Variants in MECOM observed in about 807,000 individuals in gnomAD.
The protein encoded by MECOM is MDS1 and EVI1 complex locus.
Under a neutral mutation model 116.3 loss-of-function variants are expected in MECOM, and 13 were observed. The observed-to-expected ratio is 0.11, with a 90% confidence interval of 0.07 to 0.18. MECOM has a LOEUF of 0.18. Ranked by LOEUF, MECOM falls within the 10% of genes least tolerant of loss-of-function variation. The pLI is 1.00. For missense variants in MECOM, 1,299 were observed against 1,509.0 expected (o/e 0.86, Z 2.31); for synonymous variants, 528 against 535.2 (o/e 0.99, Z 0.19).
intron 2 of MECOM, among the ~76,000 whole-genome samples, chr3:169,183,780 AC>A (rs1746318488): frequency 3.5e-5 from 2 of 57,930 alleles, no homozygotes; most frequent in African/African-American, 2.1e-4. Context: ...ACACACACAC[AC>A]ACACACACAC....
In MECOM at chr3:169,461,673, T is replaced by C. The variant is rs73172101; in HGVS notation, c.38-80149A>G. On this transcript the variant is annotated intron_variant, in intron 1 of 16. Coordinates refer to ENST00000651503, the MANE Select transcript of MECOM (RefSeq NM_004991.4). Reference sequence around the variant, plus strand: ...TGCTCTCCATTTTTGAAAAAATAAATTTTTGGAAGTGGTAAGTTATAGACG... The same window carrying C: ...TGCTCTCCATTTTTGAAAAAATAAACTTTTGGAAGTGGTAAGTTATAGACG... 5.7e-3 allele frequency among the ~76,000 whole-genome samples: 870 copies of C among 152,216 alleles called. 5 individuals are homozygous for C. The highest frequency in any genetic ancestry group is 9.6e-3 in the Non-Finnish European group (653 of 67,996).
chr3:169,247,058 A>C (rs1298677604), intron 2 of MECOM, among the ~76,000 whole-genome samples: 1 of 152,152 alleles, frequency 6.6e-6, no homozygotes, highest in East Asian at 1.9e-4. Flanking sequence ...AAAATATATA[A>C]TATTATACCA....
chr3:169,255,795 A>G (rs1460020816), intron 2 of MECOM, among the ~76,000 whole-genome samples: 1 of 152,188 alleles, frequency 6.6e-6, no homozygotes, highest in Non-Finnish European at 1.5e-5. Flanking sequence ...AACTGCCAAG[A>G]CGATGTTCCA....
chr3:169,590,734 G>T (rs554291191), intron 1 of MECOM, among the ~76,000 whole-genome samples: 7 of 152,296 alleles, frequency 4.6e-5, no homozygotes, highest in African/African-American at 1.7e-4. Context: ...CCACTTGATG[G>T]TGGATGTGAA....
chr3:169,105,668 T>C (rs556316762), intron 10 of MECOM, among the ~76,000 whole-genome samples: 1 of 151,834 alleles, frequency 6.6e-6, no homozygotes, highest in Non-Finnish European at 1.5e-5. Context: ...TAGGCTAATC[T>C]AAGATCAGTA....
chr3:169,394,760 A>T (rs770727868), intron 1 of MECOM, among the ~76,000 whole-genome samples: 9 of 152,182 alleles, frequency 5.9e-5, no homozygotes, highest in Non-Finnish European at 1.0e-4. Flanking sequence ...ATTTATTTGG[A>T]CATAGTTAAG....
At chr3:169,575,725 G>A (rs977738935) in intron 1 of MECOM, among the ~76,000 whole-genome samples, 5 of 152,152 alleles carry the variant, frequency 3.3e-5, no homozygotes. Flanking sequence ...GGAACTGCAC[G>A]GATGCAGGTG....
rs574415858 is a variant in MECOM, at chr3:169,120,676, T to C, written c.1132+380A>G. On this transcript the variant is annotated intron_variant, in intron 7 of 16. Coordinates refer to ENST00000651503, the MANE Select transcript of MECOM (RefSeq NM_004991.4). ...GCTCTTTCTGATCCAGAACAGGTTT[T>C]TAATCACTTCATCTTGTTTAGTGAT... 2.6e-5 allele frequency among the ~76,000 whole-genome samples: 4 copies of C among 152,336 alleles called. No homozygotes were observed. The South Asian group carries it at 6.2e-4, about 24-fold the overall frequency.
intron 13 of MECOM, 71 bp downstream of exon 13, chr3:169,095,005 A>G: frequency 7.7e-7 from 1 of 1,293,188 alleles, no homozygotes; most frequent in Non-Finnish European, 1.0e-6. Context: ...AAGAAAGATC[A>G]CATTATCTTA....
intron 1 of MECOM, chr3:169,615,004 G>T (rs1769818847): frequency 6.6e-6 from 1 of 152,126 alleles, no homozygotes; most frequent in Admixed American, 6.5e-5. Flanking sequence ...TAAAATGGGG[G>T]GTTAATAATC....
chr3:169,294,961 GCTTTCTCGGTCTTT>G (rs1715316554), intron 2 of MECOM, among the ~76,000 whole-genome samples: 1 of 152,066 alleles, frequency 6.6e-6, no homozygotes, highest in Admixed American at 6.6e-5. Flanking sequence ...TCTGATAAAT[GCTTTCTCGGTCTTT>G]CTTCCTGCTC....
chr3:169,574,509 A>G (rs374634032), intron 1 of MECOM, among the ~76,000 whole-genome samples: 8 of 152,218 alleles, frequency 5.3e-5, no homozygotes, highest in Admixed American at 3.3e-4. Context: ...TAATTTGGAG[A>G]GGCCTAGCTA....
intron 1 of MECOM, among the ~76,000 whole-genome samples, chr3:169,456,012 TA>T (rs577888666): frequency 1.3e-5 from 2 of 152,178 alleles, no homozygotes; most frequent in African/African-American, 2.4e-5. Context: ...CTTTTCCTTT[TA>T]AAAAAATTAT....
At chr3:169,270,608 G>C (rs1212424895) in intron 2 of MECOM, among the ~76,000 whole-genome samples, 1 of 152,020 alleles carries the variant, frequency 6.6e-6, no homozygotes, top group Non-Finnish European at 1.5e-5. Context: ...TTACAATCTT[G>C]ATAATTCTAC....
At chr3:169,568,810 G>A (rs12636962) in intron 1 of MECOM, among the ~76,000 whole-genome samples, 33,536 of 152,046 alleles carry the variant, frequency 0.22, 4,737 homozygotes, top group East Asian at 0.7. Flanking sequence ...TGTCACCACC[G>A]GGTTCTTGCC....
chr3:169,304,694 T>C (rs560728569), intron 2 of MECOM, among the ~76,000 whole-genome samples: 1 of 152,356 alleles, frequency 6.6e-6, no homozygotes, highest in African/African-American at 2.4e-5. Flanking sequence ...GAAAACATTG[T>C]TACCATAGTA....
chr3:169,110,194 C>T (rs1401560689), intron 9 of MECOM, among the ~76,000 whole-genome samples: 1 of 152,096 alleles, frequency 6.6e-6, no homozygotes, highest in Non-Finnish European at 1.5e-5. Flanking sequence ...TGATCTGTGC[C>T]CCCCTTACTT....
chr3:169,512,594 T>A lies in MECOM; in HGVS notation c.38-131070A>T, dbSNP rs180774632. Among the ~76,000 whole-genome samples the A allele has an allele frequency of 1.9e-3, 292 of 152,330 alleles. 4 individuals carry two copies. Among genetic ancestry groups the A allele is most frequent in the African/African-American group, 6.8e-3 (281 of 41,582 alleles). On this transcript the variant is annotated intron_variant, in intron 1 of 16. Coordinates refer to ENST00000651503, the MANE Select transcript of MECOM (RefSeq NM_004991.4). ...TACTTCCCCATAGTGACCAACTACATCTTGTTAACTGTTTTGTCCAAAGTG... is the reference window on the plus strand; with the variant it reads ...TACTTCCCCATAGTGACCAACTACAACTTGTTAACTGTTTTGTCCAAAGTG...
Position 169,582,007 on chromosome 3 carries a change from G to C in MECOM, c.37+81329C>G, listed in dbSNP as rs1765173303. Among the ~76,000 whole-genome samples the C allele has an allele frequency of 3.9e-5, 6 of 152,310 alleles. No individual in the cohort carries two copies. The South Asian group carries it at 1.2e-3, about 32-fold the overall frequency. The stretch of plus-strand genomic sequence containing the variant: ...AATAATATGAATCAGATGGGTTGAA[G>C]GGAATAGACTCCCAAATATTCCTTC... On this transcript the variant is annotated intron_variant, in intron 1 of 16. Transcript: ENST00000651503.
Sources: gnomAD v4.1 joint callset for allele counts (sites outside exome capture counted in the v4.1 genomes callset) on GRCh38, gnomAD v4.1.1 for gene constraint, MANE v1.5 for transcripts, NCBI Gene and HGNC (gene_info 2026-07-23, HGNC 2026-07-21) for gene names.